The following YAP1 variants were observed in gnomAD, a reference collection of about 807,000 sequenced individuals.
YAP1 encodes Yes1 associated transcriptional regulator.
In YAP1, 5 loss-of-function variants were observed where a neutral mutation model predicts 56.9. The ratio of observed to expected loss-of-function variants is 0.09; its 90% CI spans 0.05 to 0.18. The LOEUF is 0.18. Among genes scored for constraint, YAP1 ranks in the 10% least tolerant of loss-of-function variants. The pLI is 1.00. For missense variants in YAP1, 539 were observed against 651.8 expected (o/e 0.83, Z 1.88); for synonymous variants, 265 against 248.1 (o/e 1.07, Z -0.64).
chr11:102,115,076 T>C (rs1202999326), intron 2 of YAP1, among the ~76,000 whole-genome samples: 1 of 152,236 alleles, frequency 6.6e-6, no homozygotes, highest in Admixed American at 6.5e-5. Flanking sequence ...TTATTTATTT[T>C]TATTTTTTCA....
At position 102,180,947 on chromosome 11, in the gene YAP1, G is replaced by GC. The variant is rs1947575099; in HGVS notation, c.689-5071_689-5070insC. 6.6e-5 allele frequency among the ~76,000 whole-genome samples: 10 copies of GC among 151,794 alleles called. No individual in the cohort carries two copies. In the South Asian group the frequency reaches 2.1e-3, roughly 32 times the overall value. ...GGATCTCTTGAGCTCAGGATTTCGA[G>GC]ACCAGCCTGGGCAACATAATGAGAC... On this transcript the variant is annotated intron_variant, in intron 3 of 8. Coordinates refer to ENST00000282441, the MANE Select transcript of YAP1 (RefSeq NM_001130145.3).
At chr11:102,148,359 C>G (rs1945437585) in intron 2 of YAP1, among the ~76,000 whole-genome samples, 1 of 151,546 alleles carries the variant, frequency 6.6e-6, no homozygotes, top group Non-Finnish European at 1.5e-5. Flanking sequence ...ACTTGTGTTT[C>G]TGCAAAAAGA....
At chr11:102,178,137 C>A (rs1056110635) in intron 3 of YAP1, among the ~76,000 whole-genome samples, 1 of 152,108 alleles carries the variant, frequency 6.6e-6, no homozygotes, top group East Asian at 1.9e-4. Context: ...TTGCAAAGAA[C>A]TTAGGAAAAG....
At chr11:102,127,081 A>G (rs1944076334) in intron 2 of YAP1, among the ~76,000 whole-genome samples, 1 of 152,250 alleles carries the variant, frequency 6.6e-6, no homozygotes, top group East Asian at 1.9e-4. Flanking sequence ...TTAGTTTTAT[A>G]AAGGAAGCAG....
At chr11:102,177,173 G>T (rs1379228917) in intron 3 of YAP1, among the ~76,000 whole-genome samples, 3 of 152,024 alleles carry the variant, frequency 2.0e-5, no homozygotes, top group Admixed American at 6.6e-5. Context: ...AATGAGGAGG[G>T]ATGTGAAATG....
At chr11:102,180,386 A>C (rs565298608) in intron 3 of YAP1, among the ~76,000 whole-genome samples, 3 of 152,118 alleles carry the variant, frequency 2.0e-5, no homozygotes, top group Non-Finnish European at 4.4e-5. Context: ...ATGCATAATG[A>C]AATAATACTG....
At chr11:102,181,389 T>G (rs900914053) in intron 3 of YAP1, among the ~76,000 whole-genome samples, 2 of 152,056 alleles carry the variant, frequency 1.3e-5, no homozygotes, top group Non-Finnish European at 2.9e-5. Context: ...GAGCTTGCAG[T>G]GAGCCGAGAT....
intron 4 of YAP1, among the ~76,000 whole-genome samples, chr11:102,202,165 ATTT>A (rs562786052): frequency 0.01 from 1,471 of 147,014 alleles, 13 homozygotes; most frequent in African/African-American, 0.035. Flanking sequence ...AATTATTATT[ATTT>A]TTTTTTTTTG....
At chr11:102,158,259 CT>C (rs919552196) in intron 2 of YAP1, among the ~76,000 whole-genome samples, 6 of 152,166 alleles carry the variant, frequency 3.9e-5, no homozygotes, top group Non-Finnish European at 5.9e-5. Flanking sequence ...GATACTAGTT[CT>C]AGATTTTAAC....
At chr11:102,160,603 T>G (rs1402990943) in intron 2 of YAP1, among the ~76,000 whole-genome samples, 2 of 152,132 alleles carry the variant, frequency 1.3e-5, no homozygotes, top group Non-Finnish European at 2.9e-5. Context: ...AGAAAAACCG[T>G]TTTTTACTTT....
chr11:102,221,015 C>T (rs1010834784), intron 6 of YAP1, among the ~76,000 whole-genome samples: 2 of 152,154 alleles, frequency 1.3e-5, no homozygotes, highest in African/African-American at 4.8e-5. Flanking sequence ...ATAACAGGAT[C>T]TTAGTGGCTG....
intron 4 of YAP1, among the ~76,000 whole-genome samples, chr11:102,189,765 TAAAAG>T (rs969544081): frequency 6.6e-6 from 1 of 152,040 alleles, no homozygotes. Flanking sequence ...AAATAAGAAA[TAAAAG>T]GATAAGTAAA....
intron 2 of YAP1, among the ~76,000 whole-genome samples, chr11:102,130,467 G>C (rs1944309855): frequency 1.3e-5 from 2 of 152,090 alleles, no homozygotes; most frequent in Non-Finnish European, 2.9e-5. Flanking sequence ...GCAATAGTAT[G>C]ATCTTGGCTC....
chr11:102,194,248 A>G (rs911168587), intron 4 of YAP1, among the ~76,000 whole-genome samples: 4 of 152,226 alleles, frequency 2.6e-5, no homozygotes, highest in African/African-American at 9.6e-5. Context: ...ATTCAGATGT[A>G]AGAAAAAGAA....
intron 6 of YAP1, 44 bp downstream of exon 6, chr11:102,209,608 A>AG: frequency 6.9e-7 from 1 of 1,442,578 alleles, no homozygotes; most frequent in Non-Finnish European, 9.4e-7. Flanking sequence ...AAAAAAAAAA[A>AG]AGATATTAAA....
chr11:102,172,497 G>A (rs1337383742), intron 3 of YAP1, among the ~76,000 whole-genome samples: 7 of 122,464 alleles, frequency 5.7e-5, no homozygotes, highest in Non-Finnish European at 1.0e-4. Flanking sequence ...TTTTTTTTTG[G>A]TAGAGACAAA....
At chr11:102,160,378 A>G (rs1414822515) in intron 2 of YAP1, among the ~76,000 whole-genome samples, 1 of 152,214 alleles carries the variant, frequency 6.6e-6, no homozygotes, top group African/African-American at 2.4e-5. Flanking sequence ...AATAGTAAGC[A>G]TAATACCGCC....
At chr11:102,112,816 A>G in intron 1 of YAP1, 1 of 964,166 alleles carries the variant, frequency 1.0e-6, no homozygotes, top group Non-Finnish European at 1.2e-6. Flanking sequence ...GTTGGCATGC[A>G]CCCTACAGAC....
chr11:102,229,681 A>G, intron 8 of YAP1, 21 bp from the exon 9 acceptor site: 3 of 1,605,468 alleles, frequency 1.9e-6, no homozygotes, highest in Non-Finnish European at 2.6e-6. Context: ...GGACTTTGTT[A>G]TCTCTGTGTG....
Sources: allele counts gnomAD v4.1 joint callset (sites outside exome capture counted in the v4.1 genomes callset), GRCh38; gene constraint gnomAD v4.1.1; transcripts MANE v1.5; gene names NCBI Gene and HGNC (gene_info 2026-07-23, HGNC 2026-07-21).